PBX1: variants seen among roughly 807,000 people sequenced by gnomAD.
The protein encoded by PBX1 is PBX homeobox 1, also known as pre-B-cell leukemia transcription factor 1.
A neutral mutation model predicts 53.4 loss-of-function variants in PBX1; 6 were observed. That is an observed-to-expected ratio of 0.11 (90% CI 0.06 to 0.22). The LOEUF (loss-of-function observed/expected upper bound fraction) is 0.22, where lower values mean the gene tolerates loss of function less well. Among genes scored for constraint, PBX1 ranks in the 10% least tolerant of loss-of-function variants. PBX1 has a pLI of 1.00. For missense variants in PBX1, 251 were observed against 551.4 expected (o/e 0.46, Z 5.46); for synonymous variants, 204 against 212.3 (o/e 0.96, Z 0.34).
At chr1:164,753,966 A>G (rs1432320643) in intron 2 of PBX1, among the ~76,000 whole-genome samples, 3 of 152,144 alleles carry the variant, frequency 2.0e-5, no homozygotes, top group Non-Finnish European at 4.4e-5. Flanking sequence ...GTGGTGGAGA[A>G]GGGGTCAGTA....
intron 2 of PBX1, among the ~76,000 whole-genome samples, chr1:164,875,988 G>GTGTATATATATATATATATATATATATA (rs776802784): frequency 2.1e-4 from 12 of 56,948 alleles, no homozygotes; most frequent in South Asian, 1.8e-3. Context: ...TGGTGTATGT[G>GTGTATATATATATATATATATATATATA]TATATATATA....
chr1:164,807,488 T>G lies in PBX1; in HGVS notation c.702-54T>G. On this transcript the variant is annotated intron_variant, in intron 4 of 8. Transcript: ENST00000420696. Reference sequence around the variant, plus strand: ...AGAAGTAGATTTATTCTCTCCCATTTTATATTTATTTGGTGTGAGCCTTTT... The same window carrying G: ...AGAAGTAGATTTATTCTCTCCCATTGTATATTTATTTGGTGTGAGCCTTTT... The G allele has an allele frequency of 1.9e-6, 3 of 1,573,246 alleles. No homozygotes were observed. In the Admixed American group the frequency reaches 5.5e-5, roughly 29 times the overall value.
At chr1:164,737,079 T>G (rs1665334158) in intron 2 of PBX1, among the ~76,000 whole-genome samples, 2 of 152,204 alleles carry the variant, frequency 1.3e-5, no homozygotes, top group South Asian at 4.1e-4. Context: ...CACCAAACAG[T>G]GGTGCCTGAG....
chr1:164,749,915 A>G (rs1262844889), intron 2 of PBX1, among the ~76,000 whole-genome samples: 2 of 152,108 alleles, frequency 1.3e-5, no homozygotes, highest in Non-Finnish European at 2.9e-5. Context: ...CCTGGGCAAC[A>G]TTAGTAAGAC....
intron 2 of PBX1, among the ~76,000 whole-genome samples, chr1:164,751,581 C>CTTTTT (rs1231289371): frequency 1.4e-5 from 2 of 138,030 alleles, no homozygotes; most frequent in African/African-American, 2.7e-5. Context: ...TATTGCCCCC[C>CTTTTT]TTTTTTTTTT....
chr1:164,711,352 C>T (rs1571266264), intron 2 of PBX1, among the ~76,000 whole-genome samples: 1 of 152,218 alleles, frequency 6.6e-6, no homozygotes, highest in East Asian at 1.9e-4. Flanking sequence ...CAAGCTCTGC[C>T]TTCCAAGTTC....
intron 2 of PBX1, among the ~76,000 whole-genome samples, chr1:164,713,945 C>T (rs1015071406): frequency 2.0e-5 from 3 of 152,114 alleles, no homozygotes; most frequent in South Asian, 2.1e-4. Context: ...TCATTTAGAT[C>T]GTCACATATA....
chr1:164,601,799 TG>T (rs1161871943), intron 2 of PBX1, among the ~76,000 whole-genome samples: 1 of 152,156 alleles, frequency 6.6e-6, no homozygotes, highest in African/African-American at 2.4e-5. Context: ...CCTTAGCCTG[TG>T]GGATTAACTT....
chr1:164,770,047 C>T (rs1483578257), intron 2 of PBX1: 1 of 152,192 alleles, frequency 6.6e-6, no homozygotes, highest in East Asian at 1.9e-4. Context: ...AAAAAATAGG[C>T]ATCCAGGATC....
intron 6 of PBX1, chr1:164,814,398 T>G (rs1050950403): frequency 6.6e-6 from 1 of 151,460 alleles, no homozygotes; most frequent in Non-Finnish European, 1.5e-5. Context: ...GAAGCAGAAG[T>G]TTTTTTTTCA....
chr1:164,786,190 T>G (rs541848429), intron 2 of PBX1, among the ~76,000 whole-genome samples: 23 of 152,160 alleles, frequency 1.5e-4, no homozygotes, highest in Non-Finnish European at 3.1e-4. Flanking sequence ...CTTCCCTCCT[T>G]GATTCTTTAT....
intron 2 of PBX1, among the ~76,000 whole-genome samples, chr1:164,589,005 C>T (rs1655166332): frequency 6.6e-6 from 1 of 152,118 alleles, no homozygotes; most frequent in African/African-American, 2.4e-5. Flanking sequence ...CCTCCCCAGC[C>T]CCCTCCCCGA....
chr1:164,619,208 G>A (rs892174093), intron 2 of PBX1, among the ~76,000 whole-genome samples: 1 of 152,034 alleles, frequency 6.6e-6, no homozygotes, highest in African/African-American at 2.4e-5. Flanking sequence ...CTTACAGGTG[G>A]GACACATATA....
At chr1:164,618,826 T>C (rs1199909228) in intron 2 of PBX1, among the ~76,000 whole-genome samples, 1 of 152,252 alleles carries the variant, frequency 6.6e-6, no homozygotes, top group Non-Finnish European at 1.5e-5. Flanking sequence ...TTGATTTGGA[T>C]TGCAAAATAT....
At chr1:164,560,130 T>C (rs1350914894) in intron 1 of PBX1, 117 bp downstream of exon 1, 1 of 804,078 alleles carries the variant, frequency 1.2e-6, no homozygotes, top group African/African-American at 1.8e-5. Flanking sequence ...GTTATTTCTT[T>C]TCTCATTTTG....
intron 2 of PBX1, among the ~76,000 whole-genome samples, chr1:164,786,681 C>CTGTGTGTGTGTGTG (rs74747780): frequency 1.4e-5 from 2 of 140,514 alleles, no homozygotes; most frequent in African/African-American, 5.3e-5. Context: ...TCAGAAGAGA[C>CTGTGTGTGTGTGTG]TGTGTGTGTG....
At chr1:164,694,735 C>A (rs1278721459) in intron 2 of PBX1, among the ~76,000 whole-genome samples, 1 of 152,218 alleles carries the variant, frequency 6.6e-6, no homozygotes, top group East Asian at 1.9e-4. Flanking sequence ...TTCATCTAAT[C>A]ATTAGCCAAT....
chr1:164,884,530 C>T (rs2102469412), intron 2 of PBX1: 1 of 504,598 alleles, frequency 2.0e-6, no homozygotes, highest in South Asian at 1.6e-5. Flanking sequence ...TGGAATTTTT[C>T]CTTCTTACCA....
intron 6 of PBX1, chr1:164,812,587 C>T (rs1327024670): frequency 1.3e-5 from 2 of 153,774 alleles, no homozygotes; most frequent in South Asian, 2.1e-4. Context: ...AGCATGCATT[C>T]TATGCAGAAA....
Sources: gnomAD v4.1 joint callset for allele counts (sites outside exome capture counted in the v4.1 genomes callset) on GRCh38, gnomAD v4.1.1 for gene constraint, MANE v1.5 for transcripts, NCBI Gene and HGNC (gene_info 2026-07-23, HGNC 2026-07-21) for gene names.